The following CADPS2 variants were observed in gnomAD, a reference collection of about 807,000 sequenced individuals.
The protein encoded by CADPS2 is calcium dependent secretion activator 2.
Under a neutral mutation model 172.5 loss-of-function variants are expected in CADPS2, and 93 were observed. The ratio of observed to expected loss-of-function variants is 0.54; its 90% CI spans 0.46 to 0.64. CADPS2 has a LOEUF of 0.64. CADPS2 is among the 30% of genes least tolerant of loss of function. The pLI is 0.00. For missense variants in CADPS2, 1,420 were observed against 1,565.9 expected (o/e 0.91, Z 1.57); for synonymous variants, 546 against 555.2 (o/e 0.98, Z 0.23).
intron 1 of CADPS2, among the ~76,000 whole-genome samples, chr7:122,872,751 T>C (rs190633759): frequency 1.9e-4 from 29 of 152,254 alleles, no homozygotes; most frequent in Admixed American, 1.0e-3. Context: ...AATACAAGTT[T>C]CATGGCAGCA....
intron 1 of CADPS2, among the ~76,000 whole-genome samples, chr7:122,848,788 C>CT (rs931102445): frequency 3.3e-5 from 5 of 152,070 alleles, no homozygotes; most frequent in African/African-American, 1.2e-4. Flanking sequence ...TTTCAGACAC[C>CT]TAAGTAACCG....
chr7:122,732,034 T>C (rs2091694317), intron 2 of CADPS2, among the ~76,000 whole-genome samples: 1 of 151,752 alleles, frequency 6.6e-6, no homozygotes, highest in Non-Finnish European at 1.5e-5. Flanking sequence ...CATTCCTCAG[T>C]ATATGCTTTT....
Position 122,636,317 on chromosome 7 carries a change from C to G in CADPS2, c.787-6989G>C, listed in dbSNP as rs531405435. Among the ~76,000 whole-genome samples, 3 of 152,120 alleles carry G rather than the reference C, an allele frequency of 2.0e-5. No individual in the cohort carries two copies. The East Asian group carries it at 5.8e-4, about 29-fold the overall frequency. On this transcript the variant is annotated intron_variant, in intron 3 of 29. Coordinates refer to ENST00000449022, the MANE Select transcript of CADPS2 (RefSeq NM_017954.11). ...TGTTAATGAATTCCTTTAGTACTTG[C>G]TTATCTGAGAAGTATTTTATTTCTC...
At chr7:122,768,326 C>T (rs1014637064) in intron 1 of CADPS2, among the ~76,000 whole-genome samples, 1 of 152,074 alleles carries the variant, frequency 6.6e-6, no homozygotes, top group African/African-American at 2.4e-5. Context: ...CAGAAATATG[C>T]AACAAAGTCA....
intron 19 of CADPS2, among the ~76,000 whole-genome samples, chr7:122,409,259 A>G (rs1039526785): frequency 1.3e-5 from 2 of 152,242 alleles, no homozygotes; most frequent in Non-Finnish European, 2.9e-5. Flanking sequence ...TGAGTAGAGC[A>G]GCACAGAAAA....
chr7:122,568,296 T>C (rs2066732284), intron 7 of CADPS2, among the ~76,000 whole-genome samples: 1 of 151,952 alleles, frequency 6.6e-6, no homozygotes. Context: ...TAAGATAAAG[T>C]AGATTTTTAA....
At chr7:122,604,957 AG>A (rs1220177571) in intron 6 of CADPS2, among the ~76,000 whole-genome samples, 1 of 152,064 alleles carries the variant, frequency 6.6e-6, no homozygotes, top group Non-Finnish European at 1.5e-5. Context: ...AAACCTAGGC[AG>A]TATGGCCTAC....
chr7:122,319,115 T>C lies in CADPS2; in HGVS notation c.*1050A>G, dbSNP rs900992313. ...TAACATTACTAATTATTAGTTAACATTGATTACTAATATTAACTAATAATA... is the reference window on the plus strand; with the variant it reads ...TAACATTACTAATTATTAGTTAACACTGATTACTAATATTAACTAATAATA... On this transcript the variant is annotated 3_prime_UTR_variant, in exon 30 of 30. Coordinates refer to ENST00000449022, the MANE Select transcript of CADPS2 (RefSeq NM_017954.11). 8.5e-5 allele frequency: 13 copies of C among 152,182 alleles called. No individual in the cohort carries two copies. Among genetic ancestry groups the C allele is most frequent in the African/African-American group, 3.1e-4 (13 of 41,450 alleles). The allele number at this position is 152,182 out of a possible 1,614,324, so 9.4% of individuals were successfully genotyped here.
At chr7:122,660,028 A>G (rs2080344390) in intron 3 of CADPS2, among the ~76,000 whole-genome samples, 2 of 152,238 alleles carry the variant, frequency 1.3e-5, no homozygotes, top group Admixed American at 6.5e-5. Flanking sequence ...AAGGAAAATA[A>G]TATCAGTAAG....
intron 9 of CADPS2, among the ~76,000 whole-genome samples, chr7:122,498,092 C>T (rs2058896642): frequency 6.6e-6 from 1 of 152,100 alleles, no homozygotes; most frequent in African/African-American, 2.4e-5. Context: ...GGATTACAGG[C>T]ATTTGCCACC....
chr7:122,389,169 G>A (rs1365366918), intron 22 of CADPS2, among the ~76,000 whole-genome samples: 1 of 151,854 alleles, frequency 6.6e-6, no homozygotes, highest in African/African-American at 2.4e-5. Flanking sequence ...CTGTCACCAT[G>A]GTGGTTTCTG....
intron 1 of CADPS2, among the ~76,000 whole-genome samples, chr7:122,839,883 G>T (rs1171503809): frequency 6.6e-6 from 1 of 152,146 alleles, no homozygotes; most frequent in African/African-American, 2.4e-5. Flanking sequence ...AATTCCTCAA[G>T]GATCTAAAAC....
intron 1 of CADPS2, among the ~76,000 whole-genome samples, chr7:122,844,843 T>C (rs1811539527): frequency 6.6e-6 from 1 of 152,060 alleles, no homozygotes; most frequent in Non-Finnish European, 1.5e-5. Context: ...CTGAAGAGAT[T>C]GAGCAAACCT....
chr7:122,564,493 G>A (rs912988804), intron 7 of CADPS2, among the ~76,000 whole-genome samples: 8 of 151,976 alleles, frequency 5.3e-5, no homozygotes, highest in African/African-American at 1.9e-4. Flanking sequence ...ACTTTTATTA[G>A]AGATCCATTT....
chr7:122,457,699 G>A (rs1223741456), intron 14 of CADPS2, among the ~76,000 whole-genome samples: 1 of 152,116 alleles, frequency 6.6e-6, no homozygotes, highest in South Asian at 2.1e-4. Context: ...ACGAGCATCC[G>A]TTCTATTACT....
intron 1 of CADPS2, among the ~76,000 whole-genome samples, chr7:122,801,897 C>G (rs1334018041): frequency 6.6e-6 from 1 of 151,698 alleles, no homozygotes; most frequent in Non-Finnish European, 1.5e-5. Flanking sequence ...GTGAGAATCA[C>G]TTTTTAAAAA....
intron 6 of CADPS2, among the ~76,000 whole-genome samples, chr7:122,602,305 A>G (rs1245998267): frequency 1.3e-5 from 2 of 151,996 alleles, no homozygotes; most frequent in African/African-American, 4.8e-5. Flanking sequence ...AAAGAATGTC[A>G]ATCTTCATCT....
chr7:122,686,315 C>A (rs1305532971), intron 2 of CADPS2, among the ~76,000 whole-genome samples: 4 of 152,156 alleles, frequency 2.6e-5, no homozygotes, highest in African/African-American at 9.7e-5. Flanking sequence ...AAGTCAGAAA[C>A]CTATTGTACA....
intron 25 of CADPS2, among the ~76,000 whole-genome samples, chr7:122,374,289 C>T (rs544985358): frequency 2.2e-4 from 33 of 152,216 alleles, no homozygotes; most frequent in African/African-American, 6.7e-4. Context: ...TCACAGTTGA[C>T]ATCATATTCA....
Sources: allele counts gnomAD v4.1 joint callset (sites outside exome capture counted in the v4.1 genomes callset), GRCh38; gene constraint gnomAD v4.1.1; transcripts MANE v1.5; gene names NCBI Gene and HGNC (gene_info 2026-07-23, HGNC 2026-07-21).